CLCN5: variants seen among roughly 807,000 people sequenced by gnomAD.
CLCN5 encodes Cl-/H+ antiporter 5, also known as H(+)/Cl(-) exchange transporter 5.
Under a neutral mutation model 54.0 loss-of-function variants are expected in CLCN5, and 17 were observed. The observed-to-expected ratio is 0.31, with a 90% CI of 0.22 to 0.47. CLCN5 has a LOEUF of 0.47. Among genes scored for constraint, CLCN5 ranks in the 20% least tolerant of loss-of-function variants. The pLI, the probability that CLCN5 is intolerant of heterozygous loss-of-function variation, is 1.00. For synonymous variants in CLCN5, 222 were observed against 233.0 expected (o/e 0.95, Z 0.43); for missense variants, 448 against 646.7 (o/e 0.69, Z 3.33).
intron 3 of CLCN5, among the ~76,000 whole-genome samples, chrX:49,988,041 A>G (rs987018240): frequency 9.0e-6 from 1 of 111,092 alleles, no homozygotes; most frequent in Non-Finnish European, 1.9e-5. Context: ...CAAATAATTC[A>G]GTGTTTTGAG....
intron 9 of CLCN5, chrX:50,085,718 G>A (rs1249851644): frequency 1.1e-5 from 4 of 378,953 alleles, no homozygotes; most frequent in Non-Finnish European, 1.4e-5. Context: ...AGATAAGGGC[G>A]GGGGGGCGGT....
At chrX:50,087,797 G>T (rs1367290173) in intron 11 of CLCN5, among the ~76,000 whole-genome samples, 2 of 111,771 alleles carry the variant, frequency 1.8e-5, no homozygotes, top group Non-Finnish European at 3.8e-5. Context: ...CACTTAAAGG[G>T]AATTTGTAAA....
chrX:49,946,134 G>A (rs1557172080), intron 3 of CLCN5, among the ~76,000 whole-genome samples: 1 of 112,170 alleles, frequency 8.9e-6, no homozygotes, highest in Non-Finnish European at 1.9e-5. Context: ...TGTTCCTCTT[G>A]TTAGTTTTAG....
intron 3 of CLCN5, among the ~76,000 whole-genome samples, chrX:49,934,461 C>G (rs1307612771): frequency 9.0e-6 from 1 of 111,368 alleles, no homozygotes; most frequent in East Asian, 2.8e-4. Context: ...CCTACCTTCT[C>G]TTAACTACCC....
At chrX:49,950,300 A>G (rs377441572) in intron 3 of CLCN5, among the ~76,000 whole-genome samples, 31 of 112,139 alleles carry the variant, frequency 2.8e-4, no homozygotes, top group African/African-American at 9.4e-4. Flanking sequence ...AAAGACAGGG[A>G]GTAGAACCAG....
At chrX:49,983,770 G>A (rs1255711648) in intron 3 of CLCN5, among the ~76,000 whole-genome samples, 1 of 109,275 alleles carries the variant, frequency 9.2e-6, no homozygotes, top group Non-Finnish European at 1.9e-5. Context: ...CCTTCTAATT[G>A]TATTCAGTAG....
rs1446824628 is a variant in CLCN5 at position 50,076,097 on chromosome X, A to G, written c.603+115A>G. On this transcript the variant is annotated intron_variant, in intron 7 of 14. Transcript: ENST00000376091. ...TTCCTTTATTTTCCTTTCCACAGAA[A>G]GGGGAACCAGTACCAGCTGCCTTTC... 1.0e-5 allele frequency: 7 copies of G among 686,546 alleles called. No homozygotes were observed. The Admixed American group carries it at 1.8e-4, about 18-fold the overall frequency. 56.6% of individuals were successfully genotyped at this position (686,546 alleles called of 1,213,427 possible). A position where few individuals can be genotyped will look rare whatever the true frequency, so the allele number is the denominator to read the frequency against.
Position 49,997,336 on chromosome X carries a change from C to A in CLCN5, c.17-44980C>A, listed in dbSNP as rs184466870. ...TCAGGAGTTATTTATCTAGCTCATTCTGCTGATCAGCAGTGTTTCCACCAG... is the reference window on the plus strand; with the variant it reads ...TCAGGAGTTATTTATCTAGCTCATTATGCTGATCAGCAGTGTTTCCACCAG... On this transcript the variant is annotated intron_variant, in intron 3 of 14. Transcript: ENST00000376091. Among the ~76,000 whole-genome samples, 51 of 111,111 alleles carry A rather than the reference C, an allele frequency of 4.6e-4. 1 individual carries two copies. The highest frequency in any genetic ancestry group is 1.5e-3 in the African/African-American group (47 of 30,556).
rs1412621836 is a variant in CLCN5 at position 50,065,930 on chromosome X, C to T, written c.164-3949C>T. On this transcript the variant is annotated intron_variant, in intron 4 of 14. Transcript: ENST00000376091. ...CGCAACAACAAAAAACCAAACACCGCATATTCTCACTCATAGGTGGGAATT... is the reference window on the plus strand; with the variant it reads ...CGCAACAACAAAAAACCAAACACCGTATATTCTCACTCATAGGTGGGAATT... Among the ~76,000 whole-genome samples the T allele has an allele frequency of 1.2e-4, 11 of 95,425 alleles. No individual in the cohort carries two copies. The South Asian group carries it at 5.4e-3, about 46-fold the overall frequency. The allele number at this position is 95,425 out of a possible 115,157, so 82.9% of individuals were successfully genotyped here.
intron 8 of CLCN5, 49 bp downstream of exon 8, chrX:50,080,765 T>C: frequency 9.3e-7 from 1 of 1,073,363 alleles, no homozygotes; most frequent in Non-Finnish European, 1.3e-6. Flanking sequence ...GAATACTTTT[T>C]GGTTAAAATC....
rs782653514 is a variant in CLCN5, at chrX:50,025,721, G to GA, written c.17-16595_17-16594insA. On this transcript the variant is annotated intron_variant, in intron 3 of 14. Coordinates refer to ENST00000376091, the MANE Select transcript of CLCN5 (RefSeq NM_001127898.4). ...TTTCTCTCTCTCTCTCTGTCATCCC[G>GA]TTTCCTTTTCCCCTCCTGAGTTCTC... Among the ~76,000 whole-genome samples, 39 of 109,541 alleles carry GA rather than the reference G, an allele frequency of 3.6e-4. No homozygotes were observed. The South Asian group carries it at 0.012, about 34-fold the overall frequency.
At chrX:50,068,526 C>A (rs1419795138) in intron 4 of CLCN5, among the ~76,000 whole-genome samples, 2 of 79,099 alleles carry the variant, frequency 2.5e-5, no homozygotes, top group African/African-American at 1.0e-4. Context: ...AGAGCTTTTT[C>A]TTTCAAATGT....
intron 3 of CLCN5, among the ~76,000 whole-genome samples, chrX:49,935,775 C>T (rs955007140): frequency 9.0e-6 from 1 of 110,816 alleles, no homozygotes; most frequent in African/African-American, 3.3e-5. Flanking sequence ...TGGTCCATTG[C>T]AGCAGGACCA....
intron 3 of CLCN5, among the ~76,000 whole-genome samples, chrX:49,936,369 A>C (rs782550642): frequency 2.7e-5 from 3 of 111,834 alleles, no homozygotes; most frequent in African/African-American, 9.7e-5. Flanking sequence ...AATTATGGGT[A>C]GTGGTGCCAG....
chrX:50,038,324 C>G (rs1343145956), intron 3 of CLCN5, among the ~76,000 whole-genome samples: 4 of 111,569 alleles, frequency 3.6e-5, no homozygotes, highest in Non-Finnish European at 5.6e-5. Flanking sequence ...AAAATAATCA[C>G]TGTTACAAAG....
At chrX:50,077,133 C>T (rs1933434418) in intron 7 of CLCN5, among the ~76,000 whole-genome samples, 1 of 111,368 alleles carries the variant, frequency 9.0e-6, no homozygotes, top group African/African-American at 3.3e-5. Context: ...CACACACATA[C>T]ACAAATACAA....
At chrX:50,032,350 T>C (rs1931748983) in intron 3 of CLCN5, among the ~76,000 whole-genome samples, 1 of 111,302 alleles carries the variant, frequency 9.0e-6, no homozygotes, top group African/African-American at 3.3e-5. Flanking sequence ...TGAAAAAGTG[T>C]TCCTATTTCT....
rs1934231970 is a variant in CLCN5 at position 50,095,407 on chromosome X, A to G, written c.*3188A>G. ...GATGTTTGGTTAGAAACATATTCCA[A>G]TGCTCTCCTCTTTCTCTGGCCACAG... On this transcript the variant is annotated 3_prime_UTR_variant, in exon 15 of 15. Coordinates refer to ENST00000376091, the MANE Select transcript of CLCN5 (RefSeq NM_001127898.4). The G allele has an allele frequency of 8.9e-6, 1 of 112,503 alleles. No homozygotes were observed. Among genetic ancestry groups the G allele is most frequent in the Non-Finnish European group, 1.9e-5 (1 of 53,309 alleles). The allele number at this position is 112,503 out of a possible 1,213,427, so 9.3% of individuals were successfully genotyped here.
chrX:50,081,939 T>A, intron 9 of CLCN5, 92 bp downstream of exon 9: 1 of 791,469 alleles, frequency 1.3e-6, no homozygotes. Flanking sequence ...CTACCAATGT[T>A]AATGCAAACA....
Sources: allele counts gnomAD v4.1 joint callset (sites outside exome capture counted in the v4.1 genomes callset), GRCh38; gene constraint gnomAD v4.1.1; transcripts MANE v1.5; gene names NCBI Gene and HGNC (gene_info 2026-07-23, HGNC 2026-07-21).